Variants in TTC21B observed in about 807,000 individuals in gnomAD.
TTC21B encodes the protein tetratricopeptide repeat protein 21B.
In TTC21B, 127 loss-of-function variants were observed where a neutral mutation model predicts 175.1. That is an observed-to-expected ratio of 0.73 (90% CI 0.63 to 0.84). The LOEUF (loss-of-function observed/expected upper bound fraction) is 0.84. Ranked by LOEUF, TTC21B falls within the 40% of genes least tolerant of loss-of-function variation. TTC21B has a pLI of 0.00. For synonymous variants in TTC21B, 524 were observed against 524.5 expected (o/e 1.00, Z 0.01); for missense variants, 1,561 against 1,558.3 (o/e 1.00, Z -0.03).
chr2:165,913,428 C>A (rs1686032501), intron 16 of TTC21B, 146 bp downstream of exon 16: 1 of 610,708 alleles, frequency 1.6e-6, no homozygotes, highest in Non-Finnish European at 2.9e-6. Context: ...TTTATTTATC[C>A]TTTAAAATGG....
At chr2:165,926,762 A>G (rs1686644694) in intron 11 of TTC21B, among the ~76,000 whole-genome samples, 1 of 151,640 alleles carries the variant, frequency 6.6e-6, no homozygotes, top group Admixed American at 6.6e-5. Flanking sequence ...AAGCAGGGAG[A>G]AAAATGTGAA....
chr2:165,938,368 C>CT (rs1401484164), intron 6 of TTC21B, among the ~76,000 whole-genome samples: 2 of 151,912 alleles, frequency 1.3e-5, no homozygotes, highest in African/African-American at 4.8e-5. Flanking sequence ...AAATGCAACC[C>CT]TACTATAATC....
intron 7 of TTC21B, among the ~76,000 whole-genome samples, 159 bp from the exon 8 acceptor site, chr2:165,932,015 A>T (rs1392874433): frequency 1.3e-5 from 2 of 152,178 alleles, no homozygotes; most frequent in Non-Finnish European, 2.9e-5. Context: ...ATGTTATAAA[A>T]CATATTTAAG....
intron 15 of TTC21B, among the ~76,000 whole-genome samples, chr2:165,914,909 A>C (rs896203980): frequency 6.6e-6 from 1 of 152,126 alleles, no homozygotes; most frequent in Admixed American, 6.5e-5. Context: ...ATTAGAACAC[A>C]GGGTACAATT....
intron 8 of TTC21B, among the ~76,000 whole-genome samples, chr2:165,930,618 T>C (rs1055881312): frequency 3.0e-4 from 45 of 151,958 alleles, no homozygotes; most frequent in Non-Finnish European, 4.3e-4. Context: ...AAAAGTACAC[T>C]TCTAATGATG....
In TTC21B at chr2:165,931,856, C is replaced by T. The variant is rs755426798; in HGVS notation, c.796G>A (p.Ala266Thr). ...YVCREGDIEK[A>T]STKLENLGNT... ...CCCAAGTTTTCCAGCTTGGTGGAAG[C>T]CTAAAACAAAAGGAACTGGTATTAA... The change falls in exon 8 of 29, where the codon GCT (alanine) becomes ACT (threonine). Residue 266 changes from alanine to threonine, a missense_variant and splice_region_variant. Ala to Thr is a moderately conservative substitution (Grantham distance 58). Coordinates refer to ENST00000243344, the MANE Select transcript of TTC21B (RefSeq NM_024753.5). The T allele has an allele frequency of 6.2e-7, 1 of 1,608,166 alleles. No homozygotes were observed. The highest frequency in any genetic ancestry group is 8.5e-7 in the Non-Finnish European group (1 of 1,174,854).
At chr2:165,896,414 T>A (rs1685366614) in intron 22 of TTC21B, among the ~76,000 whole-genome samples, 1 of 152,034 alleles carries the variant, frequency 6.6e-6, no homozygotes, top group Admixed American at 6.6e-5. Context: ...AACACAGCAG[T>A]GAAGGACAAC....
At chr2:165,875,999 C>T (rs1486688552) in intron 28 of TTC21B, among the ~76,000 whole-genome samples, 166 bp downstream of exon 28, 2 of 151,984 alleles carry the variant, frequency 1.3e-5, no homozygotes, top group Non-Finnish European at 2.9e-5. Flanking sequence ...TTTAGGTGAA[C>T]ATCATTTTCT....
intron 12 of TTC21B, among the ~76,000 whole-genome samples, chr2:165,923,338 A>C (rs1409818237): frequency 6.6e-6 from 1 of 152,198 alleles, no homozygotes; most frequent in African/African-American, 2.4e-5. Flanking sequence ...TATTCATGAA[A>C]ATACCTTTAA....
chr2:165,880,810 AT>A lies in TTC21B; in HGVS notation c.3685-12del. 6.2e-7 allele frequency: 1 copy of A among 1,611,250 alleles called. No individual in the cohort carries two copies. Among genetic ancestry groups the A allele is most frequent in the Non-Finnish European group, 8.5e-7 (1 of 1,178,992 alleles). ...AGCTTTGCAGCAAGACTGAAGAAAA[AT>A]GGGAGACATCAATAGATTAAACTTG... is the stretch of plus-strand genomic sequence containing the variant. On this transcript the variant is annotated splice_polypyrimidine_tract_variant and intron_variant, in intron 26 of 28. Coordinates refer to ENST00000243344, the MANE Select transcript of TTC21B (RefSeq NM_024753.5).
chr2:165,898,734 A>AG lies in TTC21B; in HGVS notation c.2901dup (p.Tyr968LeufsTer2), dbSNP rs752949139. On this transcript the variant is annotated frameshift_variant, in exon 22 of 29. Coordinates refer to ENST00000243344, the MANE Select transcript of TTC21B (RefSeq NM_024753.5). LOFTEE classifies it high-confidence loss of function. ...TGTAAATGAAACACTGCTTGTTCAT[A>AG]GTCTTGTTTTCTGAACATGAGATCA... is the stretch of plus-strand genomic sequence containing the variant. 1 of 1,613,650 alleles carries AG rather than the reference A, an allele frequency of 6.2e-7. No homozygotes were observed. The highest frequency in any genetic ancestry group is 1.1e-5 in the South Asian group (1 of 91,084).
intron 18 of TTC21B, 75 bp downstream of exon 18, chr2:165,911,252 T>C: frequency 6.5e-6 from 10 of 1,545,000 alleles, no homozygotes; most frequent in Non-Finnish European, 8.9e-6. Context: ...AGAATACAAA[T>C]ACATATTTAT....
rs758062451 is a variant in TTC21B at position 165,929,161 on chromosome 2, C to T, written c.1360G>A (p.Glu454Lys). Residue 454 changes from glutamate (E) to lysine (K), a missense_variant, in exon 11 of 29, where the codon GAG becomes AAG. By Grantham distance (56) the Glu-to-Lys change is moderately conservative. Transcript: ENST00000243344. Reference sequence around the variant, plus strand: ...TGCATTGGACAGAAGCTCAGATACTCCATAACAATTTCTAACAAGAAATCA... The same window carrying T: ...TGCATTGGACAGAAGCTCAGATACTTCATAACAATTTCTAACAAGAAATCA... ...NPDFLLEIVM[E>K]YLSFCPMQPA... 3 of 1,612,778 alleles carry T rather than the reference C, an allele frequency of 1.9e-6. No individual in the cohort carries two copies. The highest frequency in any genetic ancestry group is 2.2e-5 in the South Asian group (2 of 90,996).
intron 15 of TTC21B, among the ~76,000 whole-genome samples, chr2:165,914,346 C>A (rs1056851429): frequency 1.3e-5 from 2 of 152,050 alleles, no homozygotes; most frequent in Admixed American, 6.6e-5. Flanking sequence ...AATAAATCAA[C>A]CCTATTTTGA....
At chr2:165,935,015 T>C (rs1307602645) in intron 6 of TTC21B, among the ~76,000 whole-genome samples, 2 of 152,190 alleles carry the variant, frequency 1.3e-5, no homozygotes, top group Non-Finnish European at 2.9e-5. Context: ...TAAAGTAATA[T>C]ATGCCATTTC....
intron 10 of TTC21B, 126 bp from the exon 11 acceptor site, chr2:165,929,461 T>C (rs143471804): frequency 3.2e-6 from 3 of 945,436 alleles, no homozygotes; most frequent in African/African-American, 3.3e-5. Context: ...AAGTATTAGC[T>C]TGAATAGACT....
intron 22 of TTC21B, 119 bp from the exon 23 acceptor site, chr2:165,891,107 A>T: frequency 2.3e-6 from 2 of 886,094 alleles, no homozygotes; most frequent in African/African-American, 1.7e-5. Flanking sequence ...AAATATAAAT[A>T]AAAAATGCCT....
rs111502196 is a variant in TTC21B at position 165,910,208 on chromosome 2, C to T, written c.2461+1119G>A. ...CACAAGGTCAGGAGATCGAGACTGT[C>T]CTGGCTAACATGGTGAAAACTCGTC... On this transcript the variant is annotated intron_variant, in intron 18 of 28. Transcript: ENST00000243344. Among the ~76,000 whole-genome samples, 336 of 152,110 alleles carry T rather than the reference C, an allele frequency of 2.2e-3. 1 individual carries two copies. The highest frequency in any genetic ancestry group is 7.7e-3 in the African/African-American group (320 of 41,500).
intron 3 of TTC21B, 176 bp downstream of exon 3, chr2:165,949,218 C>G: frequency 1.6e-6 from 1 of 626,650 alleles, no homozygotes; most frequent in East Asian, 2.8e-5. Context: ...GTATAAGACA[C>G]ATTTCTTGTG....
Sources: gnomAD v4.1 joint callset for allele counts (sites outside exome capture counted in the v4.1 genomes callset) on GRCh38, gnomAD v4.1.1 for gene constraint, MANE v1.5 for transcripts, NCBI Gene and HGNC (gene_info 2026-07-23, HGNC 2026-07-21) for gene names.